CNTLN: variants seen among roughly 807,000 people sequenced by gnomAD.
CNTLN encodes centlein.
Under a neutral mutation model 180.0 loss-of-function variants are expected in CNTLN, and 212 were observed. The ratio of observed to expected loss-of-function variants is 1.18; its 90% CI spans 1.05 to 1.32. The LOEUF is 1.32. Among genes scored for constraint, CNTLN ranks in the 40% most tolerant of loss-of-function variants. CNTLN has a pLI of 0.00. For synonymous variants in CNTLN, 722 were observed against 563.1 expected, an observed-to-expected ratio of 1.28 and a Z score of -3.99; for missense variants, 2,095 against 1,610.9, an observed-to-expected ratio of 1.30 and a Z score of -5.14.
intron 2 of CNTLN, among the ~76,000 whole-genome samples, chr9:17,220,041 C>A (rs1370046012): frequency 1.3e-5 from 2 of 152,070 alleles, no homozygotes; most frequent in African/African-American, 4.8e-5. Flanking sequence ...GAGACACAAA[C>A]CTTCAGTCCA....
rs1826218583 is a variant in CNTLN, at chr9:17,252,648, G to A, written c.849+16060G>A. On this transcript the variant is annotated intron_variant, in intron 5 of 25. Coordinates refer to ENST00000380647, the MANE Select transcript of CNTLN (RefSeq NM_017738.4). ...TCTAGTTACTAGTCCCCTGTTGACT[G>A]AGTAATCTGCAAGTATTTTAACTCA... Among the ~76,000 whole-genome samples the A allele has an allele frequency of 2.0e-5, 3 of 151,744 alleles. No individual in the cohort carries two copies. In the South Asian group the frequency reaches 6.2e-4, roughly 31 times the overall value.
rs190957574 is a variant in CNTLN, at chr9:17,191,166, C to A, written c.450-35037C>A. On this transcript the variant is annotated intron_variant, in intron 2 of 25. Coordinates refer to ENST00000380647, the MANE Select transcript of CNTLN (RefSeq NM_017738.4). ...ACTATTTACTAATAGGATATGTGAG[C>A]CTTTTGGATACTGGACAGCTTCTCA... 5.1e-3 allele frequency among the ~76,000 whole-genome samples: 773 copies of A among 152,268 alleles called. 5 individuals carry two copies. Among genetic ancestry groups the A allele is most frequent in the Admixed American group, 8.0e-3 (122 of 15,292 alleles).
intron 5 of CNTLN, among the ~76,000 whole-genome samples, chr9:17,264,580 G>T (rs1729053945): frequency 6.6e-6 from 1 of 152,042 alleles, no homozygotes; most frequent in Non-Finnish European, 1.5e-5. Flanking sequence ...ATTCTGTGAA[G>T]AAAGTCATTG....
chr9:17,165,073 C>T (rs559695288), intron 2 of CNTLN, among the ~76,000 whole-genome samples: 4 of 151,524 alleles, frequency 2.6e-5, no homozygotes, highest in African/African-American at 4.8e-5. Flanking sequence ...CTCCTGACCT[C>T]GTGATCCATC....
At chr9:17,497,629 C>G (rs554778632) in intron 25 of CNTLN, among the ~76,000 whole-genome samples, 7 of 152,286 alleles carry the variant, frequency 4.6e-5, no homozygotes, top group African/African-American at 1.7e-4. Flanking sequence ...TAGCCTTCAA[C>G]AGAGTTTGAA....
chr9:17,282,117 C>A (rs1587477201), intron 6 of CNTLN, among the ~76,000 whole-genome samples: 1 of 152,256 alleles, frequency 6.6e-6, no homozygotes, highest in African/African-American at 2.4e-5. Flanking sequence ...TGTGTGCCAC[C>A]ATGCCCAGCT....
intron 3 of CNTLN, among the ~76,000 whole-genome samples, chr9:17,228,982 G>T (rs552069964): frequency 5.3e-5 from 8 of 152,192 alleles, no homozygotes; most frequent in Admixed American, 5.2e-4. Flanking sequence ...TTAGCAAACT[G>T]TTGGAAGCAT....
intron 15 of CNTLN, among the ~76,000 whole-genome samples, chr9:17,401,317 A>G (rs1181389150): frequency 6.6e-6 from 1 of 152,192 alleles, no homozygotes; most frequent in African/African-American, 2.4e-5. Context: ...TCATTAAATA[A>G]TATTCATTGT....
intron 2 of CNTLN, among the ~76,000 whole-genome samples, chr9:17,219,349 T>C (rs1823980392): frequency 6.6e-6 from 1 of 151,930 alleles, no homozygotes; most frequent in Non-Finnish European, 1.5e-5. Flanking sequence ...TGAAACAATA[T>C]TTAAAAATTT....
Position 17,274,919 on chromosome 9 carries a change from A to G in CNTLN, c.983+1053A>G, listed in dbSNP as rs373064481. On this transcript the variant is annotated intron_variant, in intron 6 of 25. Transcript: ENST00000380647. ...AAACTGTTTACCATTACTGAAGCCA[A>G]TAAAGTTAAAATGAATTAGGACATT... 2.2e-4 allele frequency among the ~76,000 whole-genome samples: 34 copies of G among 152,266 alleles called. No individual in the cohort carries two copies. The East Asian group carries it at 5.0e-3, about 22-fold the overall frequency.
At chr9:17,510,764 TGTTG>T in the CNTLN span, among the ~76,000 whole-genome samples, 1 of 152,218 alleles carries the variant, frequency 6.6e-6, no homozygotes, top group Non-Finnish European at 1.5e-5. Flanking sequence ...TGTTTCCCCA[TGTTG>T]GTTCTGTTTT....
intron 2 of CNTLN, among the ~76,000 whole-genome samples, chr9:17,199,224 T>TA (rs1382190883): frequency 6.9e-6 from 1 of 144,616 alleles, no homozygotes; most frequent in Non-Finnish European, 1.5e-5. Flanking sequence ...TTTTTTTTTT[T>TA]TTTTTGAGAC....
At chr9:17,269,319 T>C (rs1204258293) in intron 5 of CNTLN, among the ~76,000 whole-genome samples, 1 of 152,058 alleles carries the variant, frequency 6.6e-6, no homozygotes, top group African/African-American at 2.4e-5. Flanking sequence ...TTCAATTTGT[T>C]CTTCTTCTAA....
chr9:17,387,953 A>T (rs1356947522), intron 13 of CNTLN, among the ~76,000 whole-genome samples: 1 of 151,970 alleles, frequency 6.6e-6, no homozygotes, highest in Non-Finnish European at 1.5e-5. Context: ...TACTGAAAAA[A>T]AAAAAAAAAG....
intron 18 of CNTLN, among the ~76,000 whole-genome samples, chr9:17,420,165 C>G (rs1376805837): frequency 6.6e-6 from 1 of 152,150 alleles, no homozygotes; most frequent in Non-Finnish European, 1.5e-5. Context: ...TCCACCCACA[C>G]CAGCCTCCCA....
intron 2 of CNTLN, among the ~76,000 whole-genome samples, chr9:17,198,866 T>G (rs1822319555): frequency 6.6e-6 from 1 of 152,176 alleles, no homozygotes; most frequent in Non-Finnish European, 1.5e-5. Flanking sequence ...AACTCATTCT[T>G]TTTTGTGGCT....
At chr9:17,157,258 G>A (rs761085257) in intron 2 of CNTLN, among the ~76,000 whole-genome samples, 3 of 152,094 alleles carry the variant, frequency 2.0e-5, no homozygotes, top group Non-Finnish European at 4.4e-5. Flanking sequence ...TAATATATTT[G>A]CTGATAACAA....
chr9:17,459,400 C>G (rs1310043137), intron 19 of CNTLN, among the ~76,000 whole-genome samples: 3 of 151,770 alleles, frequency 2.0e-5, no homozygotes, highest in African/African-American at 7.3e-5. Context: ...AGTGATTGTC[C>G]ATAATCTAAC....
At chr9:17,372,844 A>G (rs550986572) in intron 13 of CNTLN, among the ~76,000 whole-genome samples, 18 of 152,180 alleles carry the variant, frequency 1.2e-4, no homozygotes, top group African/African-American at 2.2e-4. Flanking sequence ...AATCAATGTG[A>G]TACATATTAT....
Sources: gnomAD v4.1 joint callset for allele counts (sites outside exome capture counted in the v4.1 genomes callset) on GRCh38, gnomAD v4.1.1 for gene constraint, MANE v1.5 for transcripts, NCBI Gene and HGNC (gene_info 2026-07-23, HGNC 2026-07-21) for gene names.